The following ABTB2 variants were observed in gnomAD, a reference collection of about 807,000 sequenced individuals.
ABTB2 encodes the protein ankyrin repeat and BTB/POZ domain-containing protein 2.
ABTB2 carries 56 observed loss-of-function variants against 104.1 expected under a neutral mutation model. That is an observed-to-expected ratio of 0.54 (90% CI 0.43 to 0.67). The LOEUF (loss-of-function observed/expected upper bound fraction) is 0.67. Ranked by LOEUF, ABTB2 falls within the 30% of genes least tolerant of loss-of-function variation. The pLI is 0.00. For missense variants in ABTB2, 1,279 were observed against 1,407.7 expected (o/e 0.91, Z 1.46); for synonymous variants, 606 against 608.2 (o/e 1.00, Z 0.05).
chr11:34,356,650 G>T lies in ABTB2; in HGVS notation c.883+51C>A, dbSNP rs1398358069. 6.7e-7 allele frequency: 1 copy of T among 1,492,582 alleles called. No homozygotes were observed. Among genetic ancestry groups the T allele is most frequent in the South Asian group, 1.3e-5 (1 of 74,646 alleles). 92.5% of individuals were successfully genotyped at this position (1,492,582 alleles called of 1,614,324 possible). A position where few individuals can be genotyped will look rare whatever the true frequency, so the allele number is the denominator to read the frequency against. On this transcript the variant is annotated intron_variant, in intron 1 of 16. Transcript: ENST00000435224. This position sits in a 1 kb window ranked among gnomAD's most constrained non-coding sequence, Gnocchi z 4.6. The stretch of plus-strand genomic sequence containing the variant: ...GAAATTCACTCCCCCAGTAGCCCAG[G>T]GCGGGATTTCTTGCCTACCCAGTCT...
At chr11:34,159,850 GAAAC>G in intron 13 of ABTB2, 52 bp downstream of exon 13, 2 of 1,419,190 alleles carry the variant, frequency 1.4e-6, no homozygotes, top group South Asian at 1.2e-5. Flanking sequence ...CCTGGAATCT[GAAAC>G]AAGGTGCTTC....
intron 1 of ABTB2, among the ~76,000 whole-genome samples, chr11:34,323,265 T>A (rs1369366481): frequency 6.6e-6 from 1 of 152,194 alleles, no homozygotes; most frequent in Non-Finnish European, 1.5e-5. Flanking sequence ...AATGTCATGA[T>A]GTCTGGGATT....
At chr11:34,247,001 A>C (rs1314109173) in intron 1 of ABTB2, among the ~76,000 whole-genome samples, 3 of 151,700 alleles carry the variant, frequency 2.0e-5, no homozygotes, top group Admixed American at 6.6e-5. Flanking sequence ...GCATGCACCA[A>C]CATGCCCGGC....
chr11:34,335,932 G>A (rs1855188930), intron 1 of ABTB2: 7 of 664,940 alleles, frequency 1.1e-5, no homozygotes, highest in South Asian at 3.7e-5. Context: ...GATTGCCAAC[G>A]TTTTAACTAA....
intron 3 of ABTB2, among the ~76,000 whole-genome samples, chr11:34,185,051 G>C (rs532453588): frequency 6.6e-6 from 1 of 152,222 alleles, no homozygotes; most frequent in Admixed American, 6.5e-5. Context: ...AGGGTTGGGG[G>C]ACTTTTGTTT....
At chr11:34,169,281 A>C (rs953319913) in intron 5 of ABTB2, among the ~76,000 whole-genome samples, 1 of 152,198 alleles carries the variant, frequency 6.6e-6, no homozygotes, top group African/African-American at 2.4e-5. Context: ...ACATATAAAG[A>C]GGCCAAATAA....
At chr11:34,346,919 C>A (rs1855338969) in intron 1 of ABTB2, among the ~76,000 whole-genome samples, 1 of 152,192 alleles carries the variant, frequency 6.6e-6, no homozygotes, top group African/African-American at 2.4e-5. Context: ...TACTAATTTT[C>A]ATATTTTAAA....
At chr11:34,206,316 G>A (rs1046145293) in intron 1 of ABTB2, among the ~76,000 whole-genome samples, 1 of 152,196 alleles carries the variant, frequency 6.6e-6, no homozygotes, top group South Asian at 2.1e-4. Context: ...CCGGGAGGCA[G>A]AGTTTGCAGT....
chr11:34,205,472 T>C (rs143645114), intron 1 of ABTB2, among the ~76,000 whole-genome samples: 9 of 152,332 alleles, frequency 5.9e-5, no homozygotes, highest in African/African-American at 2.2e-4. Flanking sequence ...TAAAATTACA[T>C]GTTGGCTCTT....
intron 1 of ABTB2, among the ~76,000 whole-genome samples, chr11:34,233,385 G>T (rs1456064221): frequency 6.7e-6 from 1 of 149,782 alleles, no homozygotes; most frequent in African/African-American, 2.5e-5. Flanking sequence ...GAAGTGCAGT[G>T]GTGTGACCTT....
At chr11:34,273,760 G>A (rs1289616347) in intron 1 of ABTB2, among the ~76,000 whole-genome samples, 1 of 152,118 alleles carries the variant, frequency 6.6e-6, no homozygotes, top group Non-Finnish European at 1.5e-5. Context: ...AAAAGTGAAA[G>A]GAACTCAGAC....
chr11:34,354,679 T>C (rs1590268554), intron 1 of ABTB2, among the ~76,000 whole-genome samples: 1 of 152,230 alleles, frequency 6.6e-6, no homozygotes, highest in Non-Finnish European at 1.5e-5. Context: ...GTCTTCCTTA[T>C]TTCAATTTGC....
chr11:34,295,486 A>T (rs1225741984), intron 1 of ABTB2, among the ~76,000 whole-genome samples: 1 of 152,216 alleles, frequency 6.6e-6, no homozygotes, highest in Non-Finnish European at 1.5e-5. Flanking sequence ...CAAAGTCAGT[A>T]GTTGAATGTG....
At chr11:34,235,430 T>C (rs7119546) in intron 1 of ABTB2, among the ~76,000 whole-genome samples, 44,519 of 152,070 alleles carry the variant, frequency 0.29, 6,997 homozygotes, top group Non-Finnish European at 0.36. Flanking sequence ...CATAAAGCAC[T>C]AAACCCAATG....
At chr11:34,257,079 C>T (rs1854132435) in intron 1 of ABTB2, among the ~76,000 whole-genome samples, 1 of 152,224 alleles carries the variant, frequency 6.6e-6, no homozygotes, top group African/African-American at 2.4e-5. Context: ...TACAGTGCAA[C>T]TTCATTATTC....
chr11:34,211,436 C>T (rs1048182585), intron 1 of ABTB2, among the ~76,000 whole-genome samples: 8 of 152,158 alleles, frequency 5.3e-5, no homozygotes, highest in Non-Finnish European at 1.0e-4. Flanking sequence ...TAAAAAAGCC[C>T]CCAAACCCTT....
intron 3 of ABTB2, among the ~76,000 whole-genome samples, chr11:34,194,982 A>C (rs1434991917): frequency 6.6e-6 from 1 of 151,292 alleles, no homozygotes; most frequent in African/African-American, 2.4e-5. Flanking sequence ...TGTGCAACTC[A>C]GATCATGAAG....
At chr11:34,188,303 C>T (rs1853129097) in intron 3 of ABTB2, among the ~76,000 whole-genome samples, 1 of 152,154 alleles carries the variant, frequency 6.6e-6, no homozygotes, top group South Asian at 2.1e-4. Flanking sequence ...ATGCCTGGGA[C>T]TGTGCTGAGG....
At chr11:34,202,214 G>A (rs1244140995) in intron 2 of ABTB2, among the ~76,000 whole-genome samples, 6 of 152,206 alleles carry the variant, frequency 3.9e-5, no homozygotes, top group African/African-American at 1.4e-4. Context: ...TGAGAGTGTG[G>A]TACTCATGGA....
Sources: gnomAD v4.1 joint callset for allele counts (sites outside exome capture counted in the v4.1 genomes callset) on GRCh38, gnomAD v4.1.1 for gene constraint, Gnocchi (gnomAD v3.1) non-coding constraint, MANE v1.5 for transcripts, NCBI Gene and HGNC (gene_info 2026-07-23, HGNC 2026-07-21) for gene names.